Variants in AOX1 observed in about 807,000 individuals in gnomAD.
The protein encoded by AOX1 is aldehyde oxidase 1.
In AOX1, 153 loss-of-function variants were observed where a neutral mutation model predicts 169.5. The ratio of observed to expected loss-of-function variants is 0.90; its 90% CI spans 0.79 to 1.03. The LOEUF (loss-of-function observed/expected upper bound fraction) is 1.03, where lower values mean the gene tolerates loss of function less well. Among genes scored for constraint, AOX1 ranks in the 50% least tolerant of loss-of-function variants. The pLI, the probability that AOX1 is intolerant of heterozygous loss-of-function variation, is 0.00. For synonymous variants in AOX1, 562 were observed against 581.9 expected, an observed-to-expected ratio of 0.97 and a Z score of 0.49; for missense variants, 1,656 against 1,663.9, an observed-to-expected ratio of 1.00 and a Z score of 0.08.
chr2:200,666,042 C>A (rs73055181), intron 31 of AOX1, among the ~76,000 whole-genome samples: 1 of 152,034 alleles, frequency 6.6e-6, no homozygotes, highest in African/African-American at 2.4e-5. Flanking sequence ...ATGGCAGAGA[C>A]CATTATATCA....
At chr2:200,656,004 A>T (rs1179252461) in intron 26 of AOX1, among the ~76,000 whole-genome samples, 1 of 152,192 alleles carries the variant, frequency 6.6e-6, no homozygotes, top group African/African-American at 2.4e-5. Flanking sequence ...GACATTACAA[A>T]TCCTAGATTA....
intron 21 of AOX1, among the ~76,000 whole-genome samples, chr2:200,635,327 C>CT (rs894377277): frequency 6.6e-6 from 1 of 152,158 alleles, no homozygotes; most frequent in Non-Finnish European, 1.5e-5. Flanking sequence ...CTTGGCACCA[C>CT]TGTTAGGAAC....
In AOX1 at chr2:200,605,525, T is replaced by C. The variant is rs755173670; in HGVS notation, c.815-11T>C. ...AGTCTTATTGATTTTTTTTTTTTTTTGATCCTTTAGGGCCTGAAGTGAAAT... is the reference window on the plus strand; with the variant it reads ...AGTCTTATTGATTTTTTTTTTTTTTCGATCCTTTAGGGCCTGAAGTGAAAT... On this transcript the variant is annotated splice_polypyrimidine_tract_variant and intron_variant, in intron 9 of 34. Coordinates refer to ENST00000374700, the MANE Select transcript of AOX1 (RefSeq NM_001159.4). 2 of 1,384,514 alleles carry C rather than the reference T, an allele frequency of 1.4e-6. No individual in the cohort carries two copies. Among genetic ancestry groups the C allele is most frequent in the South Asian group, 3.1e-5 (2 of 64,018 alleles). 85.8% of individuals were successfully genotyped at this position (1,384,514 alleles called of 1,614,324 possible). A position where few individuals can be genotyped will look rare whatever the true frequency, so the allele number is the denominator to read the frequency against.
At chr2:200,623,748 G>A in intron 18 of AOX1, 113 bp from the exon 19 acceptor site, 1 of 1,518,764 alleles carries the variant, frequency 6.6e-7, no homozygotes, top group Middle Eastern at 2.4e-4. Flanking sequence ...ACACCTGTGT[G>A]TATCTAGCCC....
chr2:200,649,671 T>C (rs1238323087), intron 25 of AOX1, among the ~76,000 whole-genome samples: 1 of 152,226 alleles, frequency 6.6e-6, no homozygotes, highest in African/African-American at 2.4e-5. Context: ...ACTTTGTTTA[T>C]TGACAACGAC....
In AOX1 at chr2:200,623,869, T is replaced by C. The variant is rs562776296; in HGVS notation, c.2010T>C (p.Cys670=). Residue 670 remains cysteine (C), a synonymous_variant, in exon 19 of 35, where the codon TGT becomes TGC. Transcript: ENST00000374700. The part of the protein sequence containing the change: ...EKFLATDKVF[C]VGQLVCAVLA... ...GTCTTTCTGTGTCGTAGGTGTTCTG[T>C]GTGGGTCAGCTTGTCTGTGCTGTGC... is the stretch of plus-strand genomic sequence containing the variant. The C allele has an allele frequency of 1.2e-4, 192 of 1,613,934 alleles. No homozygotes were observed. In the South Asian group the frequency reaches 1.9e-3, roughly 16 times the overall value.
In AOX1 at chr2:200,661,586, C is replaced by G. The variant is rs1574961515; in HGVS notation, c.3383C>G (p.Thr1128Ser). The change falls in exon 30 of 35, where the codon ACT becomes AGT. Residue 1128 changes from threonine (T) to serine (S), a missense_variant. Thr to Ser is a moderately conservative substitution (Grantham distance 58). Coordinates refer to ENST00000374700, the MANE Select transcript of AOX1 (RefSeq NM_001159.4). ...TATGCTCTTCCTTCACAGGCACAGA[C>G]TGCTTTTGATGAAAGCATTAACCTT... ...PKGTWKDWAQTAFDESINLSA... is the reference protein window; with the variant it reads ...PKGTWKDWAQSAFDESINLSA... 6.2e-7 allele frequency: 1 copy of G among 1,613,154 alleles called. No homozygotes were observed.
chr2:200,631,925 T>C (rs2035136006), intron 20 of AOX1, among the ~76,000 whole-genome samples: 1 of 152,192 alleles, frequency 6.6e-6, no homozygotes, highest in South Asian at 2.1e-4. Context: ...AATTTTAATG[T>C]TTATATATTA....
chr2:200,616,094 A>G (rs1481298197), intron 16 of AOX1, 31 bp downstream of exon 16: 1 of 1,504,742 alleles, frequency 6.6e-7, no homozygotes, highest in Non-Finnish European at 9.2e-7. Context: ...TTAAAAATTC[A>G]CAATCTGGGC....
intron 2 of AOX1, among the ~76,000 whole-genome samples, chr2:200,593,545 A>G (rs1040788935): frequency 2.6e-5 from 4 of 152,210 alleles, no homozygotes; most frequent in Non-Finnish European, 5.9e-5. Flanking sequence ...TTAGGAAAAG[A>G]GAGCACAGAA....
Position 200,668,248 on chromosome 2 carries a change from G to A in AOX1, c.3610-367G>A, listed in dbSNP as rs182556093. Among the ~76,000 whole-genome samples, 11 of 152,006 alleles carry A rather than the reference G, an allele frequency of 7.2e-5. No individual in the cohort carries two copies. The East Asian group carries it at 2.1e-3, about 29-fold the overall frequency. On this transcript the variant is annotated intron_variant, in intron 32 of 34. Coordinates refer to ENST00000374700, the MANE Select transcript of AOX1 (RefSeq NM_001159.4). The stretch of plus-strand genomic sequence containing the variant: ...AGCCTCCCGAGTAGCTGGAATTATA[G>A]GCATGCACCATCACACCCAGCTAAT...
intron 28 of AOX1, among the ~76,000 whole-genome samples, 199 bp from the exon 29 acceptor site, chr2:200,659,782 TCTCTCACACACACA>T (rs1206938118): frequency 1.1e-3 from 146 of 134,714 alleles, no homozygotes; most frequent in South Asian, 5.3e-3. Context: ...GCCAGTTCTC[TCTCTCACACACACA>T]CACACACACA....
chr2:200,639,813 T>C (rs2105745580), intron 23 of AOX1, among the ~76,000 whole-genome samples: 1 of 152,004 alleles, frequency 6.6e-6, no homozygotes, highest in South Asian at 2.1e-4. Context: ...GGCGGGTGAA[T>C]TGCCTGAGCT....
rs546487281 is a variant in AOX1 at position 200,623,439 on chromosome 2, G to C, written c.2002-422G>C. ...TATCACAGGGGACTCCCCTTCCCAGGTCATCCCCTTTTTCTCTCTGGTTGA... is the reference window on the plus strand; with the variant it reads ...TATCACAGGGGACTCCCCTTCCCAGCTCATCCCCTTTTTCTCTCTGGTTGA... On this transcript the variant is annotated intron_variant, in intron 18 of 34. Coordinates refer to ENST00000374700, the MANE Select transcript of AOX1 (RefSeq NM_001159.4). 6.6e-5 allele frequency among the ~76,000 whole-genome samples: 10 copies of C among 152,342 alleles called. No individual in the cohort carries two copies. The East Asian group carries it at 1.9e-3, about 29-fold the overall frequency.
In AOX1 at chr2:200,620,904, A is replaced by C. The variant is rs1411980005; in HGVS notation, c.1874+85A>C. ...CTAGTGAAAAGTAATGGTGTGAAGAAATAGGCTATTTGTTGGTGATATCCA... is the reference window on the plus strand; with the variant it reads ...CTAGTGAAAAGTAATGGTGTGAAGACATAGGCTATTTGTTGGTGATATCCA... On this transcript the variant is annotated intron_variant, in intron 17 of 34. Transcript: ENST00000374700. The C allele has an allele frequency of 3.2e-5, 47 of 1,461,448 alleles. No homozygotes were observed. The East Asian group carries it at 1.1e-3, about 34-fold the overall frequency. The allele number at this position is 1,461,448 out of a possible 1,614,324, so 90.5% of individuals were successfully genotyped here. A position where few individuals can be genotyped will look rare whatever the true frequency, so the allele number is the denominator to read the frequency against.
chr2:200,676,955 G>A (rs1319205268), exon 5 of AOX1: 1 of 469,928 alleles, frequency 2.1e-6, no homozygotes, highest in Non-Finnish European at 4.4e-6. Context: ...AGCCAATGCT[G>A]GTGGCATAAT....
chr2:200,679,204 T>C (rs1206046461), downstream of AOX1: 1 of 152,234 alleles, frequency 6.6e-6, no homozygotes, highest in Admixed American at 6.5e-5. Flanking sequence ...TATATTCATA[T>C]CAAAGTAATT....
intron 31 of AOX1, among the ~76,000 whole-genome samples, chr2:200,666,216 C>T (rs1025906610): frequency 3.9e-5 from 6 of 152,158 alleles, no homozygotes; most frequent in African/African-American, 1.4e-4. Flanking sequence ...CAGCAGATGA[C>T]AATTTGAAGA....
At chr2:200,614,920 C>A (rs1436752773) in intron 15 of AOX1, among the ~76,000 whole-genome samples, 2 of 152,200 alleles carry the variant, frequency 1.3e-5, no homozygotes, top group Non-Finnish European at 2.9e-5. Flanking sequence ...AATATAATTT[C>A]TGGGTGACTC....
Sources: gnomAD v4.1 joint callset for allele counts (sites outside exome capture counted in the v4.1 genomes callset) on GRCh38, gnomAD v4.1.1 for gene constraint, MANE v1.5 for transcripts, NCBI Gene and HGNC (gene_info 2026-07-23, HGNC 2026-07-21) for gene names.